Variants in PACS2 observed in about 807,000 individuals in gnomAD.
PACS2 encodes phosphofurin acidic cluster sorting protein 2, also known as PACS1-like protein.
In PACS2, 36 loss-of-function variants were observed where a neutral mutation model predicts 113.0. The observed-to-expected ratio is 0.32, with a 90% confidence interval of 0.24 to 0.42. The LOEUF (loss-of-function observed/expected upper bound fraction) is 0.42, where lower values mean the gene tolerates loss of function less well. Among genes scored for constraint, PACS2 ranks in the 10% least tolerant of loss-of-function variants. PACS2 has a pLI of 1.00. For synonymous variants in PACS2, 589 were observed against 536.1 expected (o/e 1.10, Z -1.36); for missense variants, 1,015 against 1,239.5 (o/e 0.82, Z 2.72).
Position 105,383,550 on chromosome 14 carries a change from A to T in PACS2, c.1780+37A>T, listed in dbSNP as rs587770390. ...GCCGTCCACCTGGGCCTGGGCACAG[A>T]TGCCACGGGCAGTGTGGCGTGGCAT... On this transcript the variant is annotated intron_variant, in intron 16 of 24. Transcript: ENST00000447393. 3.2e-6 allele frequency: 5 copies of T among 1,548,492 alleles called. No homozygotes were observed. The South Asian group carries it at 6.0e-5, about 19-fold the overall frequency.
chr14:105,388,358 G>C (rs1224213048), intron 19 of PACS2, among the ~76,000 whole-genome samples: 1 of 152,254 alleles, frequency 6.6e-6, no homozygotes, highest in Non-Finnish European at 1.5e-5. Context: ...TGGACCGGCT[G>C]CCGGGCAGAG....
At chr14:105,310,533 C>CAA (rs764203821), upstream of PACS2, among the ~76,000 whole-genome samples, 778 of 77,906 alleles carry the variant, frequency 1.0e-2, 11 homozygotes, top group Middle Eastern at 0.019. Flanking sequence ...GACTCTGTCT[C>CAA]AAAAAAAAAA....
At chr14:105,335,212 C>A (rs1383779541) in intron 1 of PACS2, among the ~76,000 whole-genome samples, 1 of 152,278 alleles carries the variant, frequency 6.6e-6, no homozygotes, top group Non-Finnish European at 1.5e-5. Flanking sequence ...ATTGTTCTCA[C>A]AGCCACCTCG....
intron 2 of PACS2, among the ~76,000 whole-genome samples, chr14:105,350,991 G>A (rs1417754757): frequency 2.6e-5 from 4 of 152,208 alleles, no homozygotes; most frequent in Admixed American, 6.5e-5. Flanking sequence ...CATGGAGCCC[G>A]AGTACGGCCA....
At chr14:105,391,186 C>T (rs782697925) in intron 20 of PACS2, 21 bp from the exon 21 acceptor site, 2 of 1,605,302 alleles carry the variant, frequency 1.2e-6, no homozygotes, top group Admixed American at 1.7e-5. Context: ...CTTTCACCAG[C>T]CAGTGCCTGT....
chr14:105,370,169 G>A, intron 8 of PACS2: 1 of 377,270 alleles, frequency 2.7e-6, no homozygotes, highest in Non-Finnish European at 4.8e-6. Context: ...CCATTAGTTT[G>A]TGTGTTTTTT....
intron 21 of PACS2, 119 bp from the exon 22 acceptor site, chr14:105,391,512 T>TTCCCCCCCCC: frequency 1.6e-6 from 1 of 611,324 alleles, no homozygotes; most frequent in Non-Finnish European, 2.9e-6. Flanking sequence ...CACTGGGGAC[T>TTCCCCCCCCC]CCCACCCTGC....
chr14:105,348,139 G>A lies in PACS2; in HGVS notation c.120-354G>A, dbSNP rs2060012865. On this transcript the variant is annotated intron_variant, in intron 1 of 24. Coordinates refer to ENST00000447393, the MANE Select transcript of PACS2 (RefSeq NM_001100913.3). The surrounding 1 kb of genome is among the most constrained non-coding windows in gnomAD (Gnocchi z 6.4). The stretch of plus-strand genomic sequence containing the variant: ...GGGAGGCCTGTGCTCTCACAGCTGG[G>A]AGCTGGCTCAGGACTCTCAGATCTT... 6.6e-6 allele frequency among the ~76,000 whole-genome samples: 1 copy of A among 152,180 alleles called. No individual in the cohort carries two copies. The highest frequency in any genetic ancestry group is 2.4e-5 in the African/African-American group (1 of 41,446).
chr14:105,347,564 G>A (rs1555402949), intron 1 of PACS2, among the ~76,000 whole-genome samples: 1 of 152,186 alleles, frequency 6.6e-6, no homozygotes, highest in Non-Finnish European at 1.5e-5. Context: ...AGTGTCCCCA[G>A]CACAGACTCA....
intron 1 of PACS2, among the ~76,000 whole-genome samples, chr14:105,318,896 G>A (rs955033127): frequency 1.3e-5 from 2 of 151,334 alleles, no homozygotes; most frequent in Admixed American, 6.6e-5. Context: ...TTCTGACCTC[G>A]TGATCCGCCC....
chr14:105,353,406 G>GC (rs1334766407), intron 3 of PACS2, among the ~76,000 whole-genome samples: 6 of 140,916 alleles, frequency 4.3e-5, no homozygotes, highest in South Asian at 4.6e-4. Context: ...TGGGGTGACG[G>GC]CCCCCCCTCA....
intron 1 of PACS2, among the ~76,000 whole-genome samples, chr14:105,336,933 C>T (rs999411513): frequency 3.9e-5 from 6 of 152,128 alleles, no homozygotes; most frequent in Admixed American, 2.6e-4. Flanking sequence ...GATCTCCACC[C>T]TGTGTTCACA....
chr14:105,363,691 G>A (rs1039475080), intron 4 of PACS2, among the ~76,000 whole-genome samples: 9 of 152,150 alleles, frequency 5.9e-5, no homozygotes, highest in Non-Finnish European at 1.0e-4. Flanking sequence ...CTGGAGCAGC[G>A]ATTTTCCTTT....
intron 20 of PACS2, 84 bp downstream of exon 20, chr14:105,390,087 C>G (rs1388802467): frequency 2.5e-6 from 3 of 1,188,196 alleles, no homozygotes; most frequent in Non-Finnish European, 1.3e-6. Context: ...GGGATTGACT[C>G]GATATATTCC....
In PACS2 at chr14:105,394,783, A is replaced by C; in HGVS notation, c.*111A>C. 1 of 775,440 alleles carries C rather than the reference A, an allele frequency of 1.3e-6. No individual in the cohort carries two copies. The highest frequency in any genetic ancestry group is 2.3e-6 in the Non-Finnish European group (1 of 434,888). 48.0% of individuals were successfully genotyped at this position (775,440 alleles called of 1,614,324 possible). ...ACAGACGCTTAAAACACAAAGAGAAACAGTCTTAAGTATGAATGTGCTCAC... is the reference window on the plus strand; with the variant it reads ...ACAGACGCTTAAAACACAAAGAGAACCAGTCTTAAGTATGAATGTGCTCAC... On this transcript the variant is annotated 3_prime_UTR_variant, in exon 25 of 25. Coordinates refer to ENST00000447393, the MANE Select transcript of PACS2 (RefSeq NM_001100913.3).
intron 19 of PACS2, among the ~76,000 whole-genome samples, chr14:105,386,130 G>C (rs782399076): frequency 6.6e-6 from 1 of 152,356 alleles, no homozygotes; most frequent in Non-Finnish European, 1.5e-5. Flanking sequence ...AACCAGGAGC[G>C]AGTGGCTGGT....
At chr14:105,339,673 G>A (rs1260811661) in intron 1 of PACS2, among the ~76,000 whole-genome samples, 4 of 151,484 alleles carry the variant, frequency 2.6e-5, no homozygotes, top group Non-Finnish European at 4.4e-5. Context: ...TCTAGCCTAG[G>A]TGACAGAGCA....
At chr14:105,364,509 G>A (rs1269085697) in intron 4 of PACS2, among the ~76,000 whole-genome samples, 3 of 147,676 alleles carry the variant, frequency 2.0e-5, no homozygotes, top group African/African-American at 7.4e-5. Flanking sequence ...CGCGGTGGGC[G>A]GTGGCCTGGG....
In PACS2 at chr14:105,395,379, A is replaced by T. The variant is rs1372404081; in HGVS notation, c.*707A>T. On this transcript the variant is annotated 3_prime_UTR_variant, in exon 25 of 25. Coordinates refer to ENST00000447393, the MANE Select transcript of PACS2 (RefSeq NM_001100913.3). ...ACTCTCAGGCTGTTCTTGAAACACC[A>T]TGAGGCTTCTGCGTGTAGTCCCTGC... The T allele has an allele frequency of 7.1e-6, 1 of 140,946 alleles. No individual in the cohort carries two copies. The highest frequency in any genetic ancestry group is 7.2e-5 in the Admixed American group (1 of 13,934). The allele number at this position is 140,946 out of a possible 1,614,324, so 8.7% of individuals were successfully genotyped here. A position where few individuals can be genotyped will look rare whatever the true frequency, so the allele number is the denominator to read the frequency against.
Sources: allele counts gnomAD v4.1 joint callset (sites outside exome capture counted in the v4.1 genomes callset), GRCh38; gene constraint gnomAD v4.1.1; non-coding constraint Gnocchi (gnomAD v3.1); transcripts MANE v1.5; gene names NCBI Gene and HGNC (gene_info 2026-07-23, HGNC 2026-07-21).